The following TMED5 variants were observed in gnomAD, a reference collection of about 807,000 sequenced individuals.
The protein encoded by TMED5 is transmembrane p24 trafficking protein 5.
Under a neutral mutation model 23.0 loss-of-function variants are expected in TMED5, and 27 were observed. That is an observed-to-expected ratio of 1.17 (90% CI 0.86 to 1.62). The LOEUF (loss-of-function observed/expected upper bound fraction) is 1.62, where lower values mean the gene tolerates loss of function less well. Among genes scored for constraint, TMED5 ranks in the 40% most tolerant of loss-of-function variants. The probability of loss-of-function intolerance (pLI) is 0.00; values close to 1 mark genes in which losing one functional copy is unlikely to be tolerated. For missense variants in TMED5, 248 were observed against 273.7 expected (o/e 0.91, Z 0.66); for synonymous variants, 97 against 100.8 (o/e 0.96, Z 0.23).
At chr1:93,159,021 G>A (rs1400243275) in intron 2 of TMED5, 1 of 194,840 alleles carries the variant, frequency 5.1e-6, no homozygotes, top group Non-Finnish European at 9.3e-6. Flanking sequence ...CATTTAAAAT[G>A]CATTTTAAAT....
chr1:93,151,890 C>T lies in TMED5; in HGVS notation c.*2780G>A, dbSNP rs1647890915. The T allele has an allele frequency of 6.6e-6, 1 of 152,194 alleles. No individual in the cohort carries two copies. The highest frequency in any genetic ancestry group is 2.1e-4 in the South Asian group (1 of 4,830). 9.4% of individuals were successfully genotyped at this position (152,194 alleles called of 1,614,324 possible). ...TTTATTATATACATATCAGTACTCA[C>T]AATACGTTGCTTATTTAAGATGGCT... On this transcript the variant is annotated 3_prime_UTR_variant, in exon 4 of 4. Transcript: ENST00000370282.
intron 1 of TMED5, among the ~76,000 whole-genome samples, chr1:93,170,306 T>A (rs1240937189): frequency 6.6e-6 from 1 of 152,206 alleles, no homozygotes; most frequent in African/African-American, 2.4e-5. Context: ...CGCGTGATGC[T>A]TGCGGGCCAG....
chr1:93,171,596 CCAGA>C (rs970503680), intron 1 of TMED5, among the ~76,000 whole-genome samples: 25 of 152,136 alleles, frequency 1.6e-4, no homozygotes, highest in African/African-American at 5.6e-4. Context: ...AGGACCAGGA[CCAGA>C]CAGTTTCAAT....
At position 93,150,419 on chromosome 1, in the gene TMED5, T is replaced by C. The variant is rs1024884657; in HGVS notation, c.*4251A>G. On this transcript the variant is annotated 3_prime_UTR_variant, in exon 4 of 4. Transcript: ENST00000370282. ...TTGGCTATTATAAATGAAGGTGCTA[T>C]GTAACATTTGTGAATGTTAAGTTTT... 2.0e-5 allele frequency: 3 copies of C among 152,228 alleles called. No individual in the cohort carries two copies. Among genetic ancestry groups the C allele is most frequent in the Non-Finnish European group, 4.4e-5 (3 of 68,040 alleles). The allele number at this position is 152,228 out of a possible 1,614,324, so 9.4% of individuals were successfully genotyped here.
At chr1:93,154,978 CT>C (rs1244606066) in intron 3 of TMED5, 90 bp from the exon 4 acceptor site, 4 of 933,904 alleles carry the variant, frequency 4.3e-6, no homozygotes, top group Admixed American at 4.8e-5. Context: ...TGACTCATGC[CT>C]TGTAATCCTG....
chr1:93,164,730 C>A (rs953286595), intron 1 of TMED5, among the ~76,000 whole-genome samples: 1 of 152,138 alleles, frequency 6.6e-6, no homozygotes, highest in Non-Finnish European at 1.5e-5. Flanking sequence ...CTAGGGCACA[C>A]ACGATTCACA....
At chr1:93,175,175 T>TTA (rs201008342) in intron 1 of TMED5, among the ~76,000 whole-genome samples, 7,013 of 119,708 alleles carry the variant, frequency 0.059, 410 homozygotes, top group African/African-American at 0.16. Flanking sequence ...TAAAAGCCAT[T>TTA]TATATATATA....
At position 93,160,128 on chromosome 1, in the gene TMED5, C is replaced by A; in HGVS notation, c.287+1G>T. On this transcript the variant is annotated splice_donor_variant, in intron 2 of 3. Coordinates refer to ENST00000370282, the MANE Select transcript of TMED5 (RefSeq NM_016040.5). LOFTEE classifies it high-confidence loss of function. ...AAACTCAACTAAAAGAGATTACTTA[C>A]GTGTGAACTCCATCTGATTTTCTTT... 1 of 1,598,488 alleles carries A rather than the reference C, an allele frequency of 6.3e-7. No homozygotes were observed. Among genetic ancestry groups the A allele is most frequent in the Non-Finnish European group, 8.6e-7 (1 of 1,166,604 alleles).
intron 3 of TMED5, chr1:93,156,029 A>G: frequency 2.1e-6 from 3 of 1,425,950 alleles, no homozygotes; most frequent in African/African-American, 1.4e-5. Context: ...TTATAAAACA[A>G]ACTTACCAAG....
At chr1:93,178,188 C>T (rs1648997082) in intron 1 of TMED5, among the ~76,000 whole-genome samples, 1 of 152,168 alleles carries the variant, frequency 6.6e-6, no homozygotes, top group South Asian at 2.1e-4. Context: ...TGCTTAATGA[C>T]CCCAGCCTTC....
In TMED5 at chr1:93,149,948, C is replaced by T. The variant is rs1216440689; in HGVS notation, c.*4722G>A. 2 of 152,090 alleles carry T rather than the reference C, an allele frequency of 1.3e-5. No homozygotes were observed. The highest frequency in any genetic ancestry group is 4.8e-5 in the African/African-American group (2 of 41,390). The allele number at this position is 152,090 out of a possible 1,614,324, so 9.4% of individuals were successfully genotyped here. On this transcript the variant is annotated 3_prime_UTR_variant, in exon 4 of 4. Transcript: ENST00000370282. ...GGCACATCACTTGAGCTTAGGAGTTCGAGACCAGCCTGGGCAACATGGCGA... is the reference window on the plus strand; with the variant it reads ...GGCACATCACTTGAGCTTAGGAGTTTGAGACCAGCCTGGGCAACATGGCGA...
chr1:93,169,918 C>CACACACACACACAA (rs948626908), intron 1 of TMED5, among the ~76,000 whole-genome samples: 1 of 151,180 alleles, frequency 6.6e-6, no homozygotes, highest in Admixed American at 6.6e-5. Flanking sequence ...CACACACACA[C>CACACACACACACAA]AAAATTAGGC....
At chr1:93,171,601 C>G (rs1033366390) in intron 1 of TMED5, among the ~76,000 whole-genome samples, 6 of 152,130 alleles carry the variant, frequency 3.9e-5, no homozygotes, top group Admixed American at 2.6e-4. Context: ...CAGGACCAGA[C>G]AGTTTCAATG....
In TMED5 at chr1:93,168,705, C is replaced by T. The variant is rs180805937; in HGVS notation, c.190-8479G>A. Among the ~76,000 whole-genome samples the T allele has an allele frequency of 1.1e-4, 17 of 152,194 alleles. No homozygotes were observed. The East Asian group carries it at 3.3e-3, about 29-fold the overall frequency. On this transcript the variant is annotated intron_variant, in intron 1 of 3. Coordinates refer to ENST00000370282, the MANE Select transcript of TMED5 (RefSeq NM_016040.5). ...AAAAAATGAGCTGGGCATGGTGGCA[C>T]GTGCCTGTAGTCCCAGCTACTTGGG...
At chr1:93,166,297 G>C (rs1047680532) in intron 1 of TMED5, among the ~76,000 whole-genome samples, 4 of 152,168 alleles carry the variant, frequency 2.6e-5, no homozygotes, top group African/African-American at 9.7e-5. Context: ...GGGATTGCTG[G>C]ACTATATGGT....
chr1:93,166,621 T>C (rs1648518119), intron 1 of TMED5, among the ~76,000 whole-genome samples: 1 of 152,226 alleles, frequency 6.6e-6, no homozygotes, highest in South Asian at 2.1e-4. Context: ...AGATTTTTTT[T>C]CCTGTATAGT....
At position 93,154,609 on chromosome 1, in the gene TMED5, G is replaced by GT. The variant is rs1294146657; in HGVS notation, c.*60dup. 5.1e-6 allele frequency: 6 copies of GT among 1,186,642 alleles called. No homozygotes were observed. Among genetic ancestry groups the GT allele is most frequent in the Admixed American group, 3.7e-5 (2 of 53,472 alleles). The allele number at this position is 1,186,642 out of a possible 1,614,324, so 73.5% of individuals were successfully genotyped here. A position where few individuals can be genotyped will look rare whatever the true frequency, so the allele number is the denominator to read the frequency against. On this transcript the variant is annotated 3_prime_UTR_variant, in exon 4 of 4. Transcript: ENST00000370282. ...GAGAAGACCATTAATGGTCTTGACTGTAACAGTTTATTGCATTTTTATGCC... is the reference window on the plus strand; with the variant it reads ...GAGAAGACCATTAATGGTCTTGACTGTTAACAGTTTATTGCATTTTTATGCC...
At chr1:93,157,639 C>T (rs1648121107) in intron 2 of TMED5, among the ~76,000 whole-genome samples, 1 of 152,020 alleles carries the variant, frequency 6.6e-6, no homozygotes. Context: ...GTACTTTAGG[C>T]TGCAGTAAGC....
chr1:93,179,904 C>A, intron 1 of TMED5, 150 bp downstream of exon 1: 2 of 800,718 alleles, frequency 2.5e-6, no homozygotes, highest in African/African-American at 1.8e-5. Context: ...CGCCTCGCCT[C>A]GCGCGCCTGC....
Sources: gnomAD v4.1 joint callset for allele counts (sites outside exome capture counted in the v4.1 genomes callset) on GRCh38, gnomAD v4.1.1 for gene constraint, MANE v1.5 for transcripts, NCBI Gene and HGNC (gene_info 2026-07-23, HGNC 2026-07-21) for gene names.